The following FLRT2 variants were observed in gnomAD, a reference collection of about 807,000 sequenced individuals.
FLRT2 encodes the protein fibronectin leucine rich transmembrane protein 2, also known as leucine-rich repeat transmembrane protein FLRT2.
In FLRT2, 15 loss-of-function variants were observed where a neutral mutation model predicts 40.0. The ratio of observed to expected loss-of-function variants is 0.38; its 90% CI spans 0.25 to 0.58. The LOEUF (loss-of-function observed/expected upper bound fraction) is 0.58. Ranked by LOEUF, FLRT2 falls within the 20% of genes least tolerant of loss-of-function variation. The pLI, the probability that FLRT2 is intolerant of heterozygous loss-of-function variation, is 0.71. For synonymous variants in FLRT2, 380 were observed against 336.8 expected (o/e 1.13, Z -1.41); for missense variants, 726 against 840.0 (o/e 0.86, Z 1.68).
At chr14:85,605,561 G>C (rs1405775951) in intron 1 of FLRT2, among the ~76,000 whole-genome samples, 1 of 152,162 alleles carries the variant, frequency 6.6e-6, no homozygotes, top group Non-Finnish European at 1.5e-5. Flanking sequence ...ACAAGGTCAG[G>C]AGATCGAGAC....
Position 85,622,832 on chromosome 14 carries a change from A to G in FLRT2, c.1318A>G (p.Ser440Gly). The change falls in exon 2 of 2, where the codon AGC becomes GGC. Residue 440 changes from serine (S) to glycine (G), a missense_variant. This residue lies in a region of FLRT2 where 611 missense variants were observed against 690.0 expected (regional missense o/e 0.89). Transcript: ENST00000330753. ...HFVNDTSIQV[S>G]WLSLFTVMAY... is the part of the protein sequence containing the mutation. ...TGTGAATGATACTTCCATTCAAGTC[A>G]GCTGGCTCTCTCTCTTCACCGTGAT... The G allele has an allele frequency of 6.2e-7, 1 of 1,614,198 alleles. No homozygotes were observed. The highest frequency in any genetic ancestry group is 8.5e-7 in the Non-Finnish European group (1 of 1,180,040).
At chr14:85,602,158 GCACTCTTATA>G (rs1487955764) in intron 1 of FLRT2, among the ~76,000 whole-genome samples, 2 of 152,234 alleles carry the variant, frequency 1.3e-5, no homozygotes, top group East Asian at 3.9e-4. Context: ...ATTTACATAT[GCACTCTTATA>G]CATACGTACA....
rs184604348 is a variant in FLRT2, at chr14:85,630,059, A to T, written c.*6562A>T. ...CTAAGTATTTTGTAGATTCCGCTGA[A>T]AAAGCACGTATGTCACAATCTATTA... On this transcript the variant is annotated 3_prime_UTR_variant, in exon 2 of 2. Transcript: ENST00000330753. 2 of 152,278 alleles carry T rather than the reference A, an allele frequency of 1.3e-5. No individual in the cohort carries two copies. The highest frequency in any genetic ancestry group is 2.9e-5 in the Non-Finnish European group (2 of 68,014). 9.4% of individuals were successfully genotyped at this position (152,278 alleles called of 1,614,324 possible).
At chr14:85,579,722 T>G (rs1233925840) in intron 1 of FLRT2, among the ~76,000 whole-genome samples, 2 of 152,144 alleles carry the variant, frequency 1.3e-5, no homozygotes, top group Admixed American at 1.3e-4. Context: ...GATTAATAAT[T>G]TGAATTCTTT....
chr14:85,547,812 G>C (rs1889368595), intron 1 of FLRT2, among the ~76,000 whole-genome samples: 1 of 152,182 alleles, frequency 6.6e-6, no homozygotes, highest in South Asian at 2.1e-4. Context: ...ACATTTTAGG[G>C]AGACATAAGA....
At chr14:85,595,909 G>A (rs1335013138) in intron 1 of FLRT2, among the ~76,000 whole-genome samples, 3 of 152,142 alleles carry the variant, frequency 2.0e-5, no homozygotes, top group Admixed American at 6.5e-5. Flanking sequence ...GGGTTCACTT[G>A]GCGGGCAAGA....
Position 85,597,956 on chromosome 14 carries a change from A to G in FLRT2, c.-376-23183A>G, listed in dbSNP as rs542238646. Among the ~76,000 whole-genome samples the G allele has an allele frequency of 2.6e-5, 4 of 152,362 alleles. No homozygotes were observed. The South Asian group carries it at 8.3e-4, about 32-fold the overall frequency. Reference sequence around the variant, plus strand: ...CCCACAAAGTGGTTTATTTACAGTCAGAAACATAATTGTCTGCAGTTGGGA... The same window carrying G: ...CCCACAAAGTGGTTTATTTACAGTCGGAAACATAATTGTCTGCAGTTGGGA... On this transcript the variant is annotated intron_variant, in intron 1 of 1. Transcript: ENST00000330753.
At chr14:85,562,945 G>A (rs1335901808) in intron 1 of FLRT2, 2 of 152,128 alleles carry the variant, frequency 1.3e-5, no homozygotes, top group Non-Finnish European at 2.9e-5. Flanking sequence ...ACCTAGAGGT[G>A]ACTGAGAAGC....
chr14:85,586,546 A>G (rs1313686064), intron 1 of FLRT2, among the ~76,000 whole-genome samples: 1 of 135,938 alleles, frequency 7.4e-6, no homozygotes, highest in African/African-American at 2.5e-5. Context: ...TAATAAAATG[A>G]ACACTTAAAA....
In FLRT2 at chr14:85,639,143, G is replaced by A. The variant is rs1894083603; in HGVS notation, c.*15646G>A. The stretch of plus-strand genomic sequence containing the variant: ...TGTAACAAGGTTTTCTCATGATCCA[G>A]TTATTTTAAGGATACCTGCAGGATC... On this transcript the variant is annotated 3_prime_UTR_variant, in exon 2 of 2. Coordinates refer to ENST00000330753, the MANE Select transcript of FLRT2 (RefSeq NM_013231.6). 6.6e-6 allele frequency: 1 copy of A among 152,150 alleles called. No individual in the cohort carries two copies. Among genetic ancestry groups the A allele is most frequent in the South Asian group, 2.1e-4 (1 of 4,826 alleles). 9.4% of individuals were successfully genotyped at this position (152,150 alleles called of 1,614,324 possible).
In FLRT2 at chr14:85,607,222, G is replaced by A. The variant is rs542301290; in HGVS notation, c.-376-13917G>A. ...GAAGAGGGTTGACTTTCTAATGGGG[G>A]ATTGAGCAAGTTTTGACCCAAGAGT... On this transcript the variant is annotated intron_variant, in intron 1 of 1. Coordinates refer to ENST00000330753, the MANE Select transcript of FLRT2 (RefSeq NM_013231.6). 1.5e-3 allele frequency among the ~76,000 whole-genome samples: 226 copies of A among 152,196 alleles called. 1 individual carries two copies. The highest frequency in any genetic ancestry group is 5.2e-3 in the African/African-American group (215 of 41,536).
At chr14:85,579,108 C>T (rs767205708) in intron 1 of FLRT2, among the ~76,000 whole-genome samples, 7 of 152,254 alleles carry the variant, frequency 4.6e-5, no homozygotes, top group Non-Finnish European at 8.8e-5. Context: ...GTCCTCCTTT[C>T]TGCCAGCCCT....
intron 1 of FLRT2, among the ~76,000 whole-genome samples, chr14:85,575,341 T>G (rs1891082852): frequency 6.6e-6 from 1 of 152,122 alleles, no homozygotes; most frequent in Admixed American, 6.5e-5. Context: ...ACAACATTTT[T>G]TTTTTTGCAA....
chr14:85,610,951 A>G (rs925178946), intron 1 of FLRT2, among the ~76,000 whole-genome samples: 2 of 152,106 alleles, frequency 1.3e-5, no homozygotes, highest in Non-Finnish European at 2.9e-5. Context: ...GCTGGAGTGC[A>G]GTGGTGCAAT....
intron 1 of FLRT2, among the ~76,000 whole-genome samples, chr14:85,559,609 G>T (rs909085114): frequency 7.9e-5 from 12 of 152,078 alleles, no homozygotes; most frequent in African/African-American, 2.9e-4. Context: ...ATCTACCCAT[G>T]ATTATACGTT....
At chr14:85,586,722 A>G (rs1451712887) in intron 1 of FLRT2, among the ~76,000 whole-genome samples, 1 of 152,114 alleles carries the variant, frequency 6.6e-6, no homozygotes, top group Non-Finnish European at 1.5e-5. Flanking sequence ...ACATATCTCA[A>G]AGTAAAAAGG....
intron 1 of FLRT2, among the ~76,000 whole-genome samples, chr14:85,545,229 T>C (rs1278710910): frequency 1.3e-5 from 2 of 152,220 alleles, no homozygotes; most frequent in African/African-American, 4.8e-5. Flanking sequence ...ACAATATTAA[T>C]AATGATATTG....
chr14:85,555,018 T>C (rs1889868946), intron 1 of FLRT2, among the ~76,000 whole-genome samples: 1 of 152,218 alleles, frequency 6.6e-6, no homozygotes, highest in African/African-American at 2.4e-5. Flanking sequence ...TTTGATAGTA[T>C]AACTTTGGGC....
rs1246034544 is a variant in FLRT2 at position 85,642,728 on chromosome 14, C to A, written c.*19231C>A. 6.6e-6 allele frequency: 1 copy of A among 152,102 alleles called. No individual in the cohort carries two copies. Among genetic ancestry groups the A allele is most frequent in the Non-Finnish European group, 1.5e-5 (1 of 68,024 alleles). The allele number at this position is 152,102 out of a possible 1,614,324, so 9.4% of individuals were successfully genotyped here. On this transcript the variant is annotated 3_prime_UTR_variant, in exon 2 of 2. Transcript: ENST00000330753. ...CCTGCATGCAATGAGCTTACCCAAC[C>A]AGCTCAGAGTGATTATAATTGTTTT...
Sources: gnomAD v4.1 joint callset for allele counts (sites outside exome capture counted in the v4.1 genomes callset) on GRCh38, gnomAD v4.1.1 for gene constraint, gnomAD v4.1.1 regional missense constraint, MANE v1.5 for transcripts, NCBI Gene and HGNC (gene_info 2026-07-23, HGNC 2026-07-21) for gene names.